CAGE1: variants seen among roughly 807,000 people sequenced by gnomAD.
CAGE1 encodes the protein cancer-associated gene 1 protein.
In CAGE1, 66 loss-of-function variants were observed where a neutral mutation model predicts 94.9. The ratio of observed to expected loss-of-function variants is 0.70; its 90% CI spans 0.57 to 0.85. The LOEUF (loss-of-function observed/expected upper bound fraction) is 0.85, where lower values mean the gene tolerates loss of function less well. Among genes scored for constraint, CAGE1 ranks in the 40% least tolerant of loss-of-function variants. The probability of loss-of-function intolerance (pLI) is 0.00; values close to 1 mark genes in which losing one functional copy is unlikely to be tolerated. For missense variants in CAGE1, 865 were observed against 950.4 expected, an observed-to-expected ratio of 0.91 and a Z score of 1.18; for synonymous variants, 319 against 321.0, an observed-to-expected ratio of 0.99 and a Z score of 0.07.
intron 7 of CAGE1, 149 bp downstream of exon 7, chr6:7,368,539 C>A: frequency 2.2e-6 from 1 of 463,918 alleles, no homozygotes; most frequent in Non-Finnish European, 3.8e-6. Context: ...AACATTTTAT[C>A]TCTTTAGTGA....
chr6:7,327,133 A>T (rs1468551028), intron 13 of CAGE1, among the ~76,000 whole-genome samples: 2 of 152,152 alleles, frequency 1.3e-5, no homozygotes, highest in African/African-American at 4.8e-5. Flanking sequence ...GCTCACTGCA[A>T]GCTCTGCCTC....
rs906892092 is a variant in CAGE1 at position 7,379,037 on chromosome 6, A to G, written c.284-17T>C. 1.1e-5 allele frequency: 16 copies of G among 1,461,188 alleles called. No individual in the cohort carries two copies. The Admixed American group carries it at 3.1e-4, about 28-fold the overall frequency. The allele number at this position is 1,461,188 out of a possible 1,614,324, so 90.5% of individuals were successfully genotyped here. On this transcript the variant is annotated splice_polypyrimidine_tract_variant and intron_variant, in intron 3 of 13. Transcript: ENST00000502583. ...TGTTGTTATCTCATAAGAAAGAGAA[A>G]GAAGGAAATAAAAACGAGTAGACCA...
At chr6:7,381,903 G>A (rs1294996727) in intron 3 of CAGE1, among the ~76,000 whole-genome samples, 4 of 149,986 alleles carry the variant, frequency 2.7e-5, no homozygotes, top group Non-Finnish European at 4.4e-5. Context: ...GCAGTGGCGC[G>A]ATCTCGGCTC....
chr6:7,353,653 C>T, intron 11 of CAGE1, among the ~76,000 whole-genome samples: 1 of 151,440 alleles, frequency 6.6e-6, no homozygotes, highest in East Asian at 1.9e-4. Flanking sequence ...CCCAAATGCC[C>T]ATCAATCAAA....
chr6:7,373,387 C>A lies in CAGE1; in HGVS notation c.1432G>T (p.Glu478Ter), dbSNP rs1221456158. ...SALDLLKREK[E>*]AQEQEFLSLQ... ...GACAAGAACTCTTGTTCTTGGGCCT[C>A]TTTTTCCCGTTTCAACAAGTCCAAA... The change falls in exon 5 of 14, where the codon GAG (glutamate) becomes TAG (stop). Residue 478 changes from glutamate to a stop codon, truncating the protein, a stop_gained. Transcript: ENST00000502583. LOFTEE classifies it high-confidence loss of function. The A allele has an allele frequency of 6.2e-7, 1 of 1,613,776 alleles. No homozygotes were observed. The highest frequency in any genetic ancestry group is 2.2e-5 in the East Asian group (1 of 44,860).
chr6:7,364,678 C>T (rs942768553), intron 9 of CAGE1, among the ~76,000 whole-genome samples: 1 of 152,002 alleles, frequency 6.6e-6, no homozygotes. Context: ...CCATCTTGGC[C>T]AGGGTGGTCT....
At chr6:7,347,182 A>C (rs2714324) in intron 11 of CAGE1, among the ~76,000 whole-genome samples, 5,867 of 152,166 alleles carry the variant, frequency 0.039, 389 homozygotes, top group African/African-American at 0.13. Context: ...CTGCAAGAAC[A>C]AATCAGGAAT....
chr6:7,328,703 C>A (rs1426082786), intron 13 of CAGE1, among the ~76,000 whole-genome samples: 1 of 151,932 alleles, frequency 6.6e-6, no homozygotes, highest in Non-Finnish European at 1.5e-5. Flanking sequence ...TGCAGGGTAA[C>A]TAGAGTTAAC....
At chr6:7,335,805 G>A (rs1470278026) in intron 11 of CAGE1, among the ~76,000 whole-genome samples, 1 of 152,172 alleles carries the variant, frequency 6.6e-6, no homozygotes, top group Non-Finnish European at 1.5e-5. Context: ...TTGAACTCCT[G>A]GCCTCAAGCT....
intron 3 of CAGE1, among the ~76,000 whole-genome samples, chr6:7,382,899 G>A (rs965387014): frequency 1.3e-5 from 2 of 152,090 alleles, no homozygotes; most frequent in Non-Finnish European, 2.9e-5. Flanking sequence ...GACAGAGCGA[G>A]ACTCCATCTC....
At chr6:7,341,255 C>T (rs9505173) in intron 11 of CAGE1, 28,555 of 664,116 alleles carry the variant, frequency 0.043, 2,078 homozygotes, top group African/African-American at 0.25. Flanking sequence ...AAGGTGCTCA[C>T]AGCAGAAGCC....
intron 11 of CAGE1, among the ~76,000 whole-genome samples, chr6:7,344,238 C>G (rs1030633955): frequency 2.0e-5 from 3 of 152,046 alleles, no homozygotes; most frequent in Non-Finnish European, 4.4e-5. Context: ...CAGCGGGAAC[C>G]GGGGCTGGGC....
At chr6:7,357,376 C>G (rs1025895615) in intron 9 of CAGE1, among the ~76,000 whole-genome samples, 9 of 152,164 alleles carry the variant, frequency 5.9e-5, no homozygotes, top group African/African-American at 1.9e-4. Flanking sequence ...CATCTCCTCA[C>G]TACATCCTGG....
intron 11 of CAGE1, among the ~76,000 whole-genome samples, chr6:7,338,684 G>C (rs552599192): frequency 6.6e-6 from 1 of 151,780 alleles, no homozygotes; most frequent in East Asian, 1.9e-4. Context: ...TACCCAATTT[G>C]TAATCTTTTA....
At position 7,374,045 on chromosome 6, in the gene CAGE1, A is replaced by T; in HGVS notation, c.774T>A (p.Gly258=). 1.2e-6 allele frequency: 2 copies of T among 1,613,882 alleles called. No homozygotes were observed. The highest frequency in any genetic ancestry group is 1.7e-6 in the Non-Finnish European group (2 of 1,179,866). ...VSYEKEVTAE[G]VERPEIVSTW... The stretch of plus-strand genomic sequence containing the variant: ...TTGAGACAATTTCTGGCCTCTCCAC[A>T]CCCTCTGCTGTGACTTCCTTTTCAT... Residue 258 remains glycine, a synonymous_variant, in exon 5 of 14, where the codon GGT becomes GGA. Coordinates refer to ENST00000502583, the MANE Select transcript of CAGE1 (RefSeq NM_001170692.2).
At chr6:7,381,873 CT>C (rs1760946045) in intron 3 of CAGE1, among the ~76,000 whole-genome samples, 2 of 141,136 alleles carry the variant, frequency 1.4e-5, no homozygotes, top group Middle Eastern at 5.3e-3. Flanking sequence ...CAGAGTCTCA[CT>C]CTGTCCCCAG....
rs560699689 is a variant in CAGE1 at position 7,373,346 on chromosome 6, G to A, written c.1473C>T (p.Phe491=). 4.3e-6 allele frequency: 7 copies of A among 1,612,248 alleles called. No individual in the cohort carries two copies. In the Admixed American group the frequency reaches 1.2e-4, roughly 27 times the overall value. Reference sequence around the variant, plus strand: ...CCAGGTTTTCCTTTTCAAGTTTCTGGAATTCCTCCTGTAAAGACAAGAACT... The same window carrying A: ...CCAGGTTTTCCTTTTCAAGTTTCTGAAATTCCTCCTGTAAAGACAAGAACT... The part of the protein sequence containing the change: ...EQEFLSLQEE[F]QKLEKENLEE... The change falls in exon 5 of 14, where the codon TTC becomes TTT. Residue 491 remains phenylalanine (F), a synonymous_variant. Coordinates refer to ENST00000502583, the MANE Select transcript of CAGE1 (RefSeq NM_001170692.2).
chr6:7,341,910 GA>G, intron 11 of CAGE1: 1 of 701,134 alleles, frequency 1.4e-6, no homozygotes, highest in Admixed American at 1.8e-5. Flanking sequence ...ACTGCAGCAA[GA>G]TGTCCTCAAT....
At chr6:7,347,536 C>T (rs1759603303) in intron 11 of CAGE1, 1 of 140,578 alleles carries the variant, frequency 7.1e-6, no homozygotes, top group Admixed American at 7.3e-5. Flanking sequence ...GGTGGGGGAA[C>T]TTTGTAACAA....
Sources: gnomAD v4.1 joint callset for allele counts (sites outside exome capture counted in the v4.1 genomes callset) on GRCh38, gnomAD v4.1.1 for gene constraint, MANE v1.5 for transcripts, NCBI Gene and HGNC (gene_info 2026-07-23, HGNC 2026-07-21) for gene names.